DDX10: variants seen among roughly 807,000 people sequenced by gnomAD.
DDX10 encodes DEAD-box helicase 10.
DDX10 carries 74 observed loss-of-function variants against 104.3 expected under a neutral mutation model. That is an observed-to-expected ratio of 0.71 (90% CI 0.59 to 0.86). The LOEUF is 0.86. Among genes scored for constraint, DDX10 ranks in the 40% least tolerant of loss-of-function variants. DDX10 has a pLI of 0.00. For missense variants in DDX10, 952 were observed against 1,040.0 expected (o/e 0.92, Z 1.16); for synonymous variants, 351 against 353.4 (o/e 0.99, Z 0.08).
intron 13 of DDX10, among the ~76,000 whole-genome samples, chr11:108,834,076 C>T (rs975657670): frequency 6.6e-6 from 1 of 151,840 alleles, no homozygotes; most frequent in South Asian, 2.1e-4. Context: ...CCACCTCAGC[C>T]TCTTGAGTAG....
intron 14 of DDX10, 74 bp from the exon 15 acceptor site, chr11:108,841,241 C>A: frequency 1.5e-6 from 2 of 1,294,028 alleles, no homozygotes; most frequent in South Asian, 1.3e-5. Context: ...TTTTCAGAAT[C>A]ATCAGACAAA....
chr11:108,835,945 T>C (rs1440986144), intron 13 of DDX10, among the ~76,000 whole-genome samples: 1 of 152,162 alleles, frequency 6.6e-6, no homozygotes, highest in Non-Finnish European at 1.5e-5. Context: ...AAAGTTTGTG[T>C]TAATTGGCCT....
intron 13 of DDX10, among the ~76,000 whole-genome samples, chr11:108,801,302 C>T (rs974811499): frequency 6.6e-6 from 1 of 152,184 alleles, no homozygotes; most frequent in Non-Finnish European, 1.5e-5. Flanking sequence ...TTGTAAACTG[C>T]CATAGAATCA....
At chr11:108,938,589 C>A (rs1864065029) in intron 17 of DDX10, among the ~76,000 whole-genome samples, 2 of 152,240 alleles carry the variant, frequency 1.3e-5, no homozygotes, top group African/African-American at 4.8e-5. Context: ...TTTTTTAAGA[C>A]CCTCTTTCAC....
chr11:108,711,887 A>G (rs547177352), intron 10 of DDX10, among the ~76,000 whole-genome samples: 1 of 152,314 alleles, frequency 6.6e-6, no homozygotes, highest in East Asian at 1.9e-4. Flanking sequence ...GGATTTGTCT[A>G]TTCCTGATAG....
intron 10 of DDX10, among the ~76,000 whole-genome samples, chr11:108,711,052 A>G (rs1416370812): frequency 6.6e-6 from 1 of 152,180 alleles, no homozygotes; most frequent in East Asian, 1.9e-4. Flanking sequence ...GGTGTGAGCC[A>G]TTGCTCCTGG....
intron 16 of DDX10, among the ~76,000 whole-genome samples, chr11:108,900,392 C>T (rs368501125): frequency 8.5e-4 from 130 of 152,182 alleles, no homozygotes; most frequent in Non-Finnish European, 1.4e-3. Flanking sequence ...CTGAGAAATC[C>T]AAAGATATAT....
chr11:108,675,586 A>C lies in DDX10; in HGVS notation c.248-10A>C. The C allele has an allele frequency of 6.2e-7, 1 of 1,612,998 alleles. No homozygotes were observed. On this transcript the variant is annotated splice_polypyrimidine_tract_variant and intron_variant, in intron 2 of 17. Coordinates refer to ENST00000322536, the MANE Select transcript of DDX10 (RefSeq NM_004398.4). ...CTTCTAAAGTATAATTCTTCCCTCC[A>C]TGTTGCCAGGTTTGCAAGAAGCTCA...
chr11:108,741,122 G>A (rs1257667642), intron 13 of DDX10, among the ~76,000 whole-genome samples: 2 of 152,016 alleles, frequency 1.3e-5, no homozygotes, highest in East Asian at 3.9e-4. Context: ...GTAGGTGTGT[G>A]GCCTTATTTT....
intron 13 of DDX10, among the ~76,000 whole-genome samples, chr11:108,797,507 A>G (rs959411235): frequency 2.0e-5 from 3 of 152,252 alleles, no homozygotes; most frequent in Non-Finnish European, 2.9e-5. Context: ...AACAAAATAG[A>G]TAAATGATTT....
At chr11:108,724,013 A>AGGCTGTTCTTG in intron 13 of DDX10, among the ~76,000 whole-genome samples, 2 of 152,164 alleles carry the variant, frequency 1.3e-5, no homozygotes, top group Non-Finnish European at 2.9e-5. Context: ...TAGGAGGAAC[A>AGGCTGTTCTTG]AAAGAAATAA....
chr11:108,771,381 A>T (rs562138892), intron 13 of DDX10, among the ~76,000 whole-genome samples: 1 of 149,132 alleles, frequency 6.7e-6, no homozygotes, highest in African/African-American at 2.5e-5. Flanking sequence ...TTTTTTTGAG[A>T]TGGAGTCTCA....
chr11:108,754,237 G>C lies in DDX10; in HGVS notation c.1965+30775G>C, dbSNP rs533740656. On this transcript the variant is annotated intron_variant, in intron 13 of 17. Transcript: ENST00000322536. ...CTAGTATACAGTATAGATTCCAAAG[G>C]CCTAGCCTTTAATATGAGCTTCGCT... Among the ~76,000 whole-genome samples, 5 of 152,074 alleles carry C rather than the reference G, an allele frequency of 3.3e-5. No individual in the cohort carries two copies. The East Asian group carries it at 7.7e-4, about 24-fold the overall frequency.
intron 16 of DDX10, among the ~76,000 whole-genome samples, chr11:108,888,485 C>T (rs1220426248): frequency 1.3e-5 from 2 of 152,070 alleles, no homozygotes; most frequent in East Asian, 3.9e-4. Flanking sequence ...AGGTCATATG[C>T]CATTTGCTTC....
chr11:108,739,070 C>A (rs370257268), intron 13 of DDX10, among the ~76,000 whole-genome samples: 2 of 152,242 alleles, frequency 1.3e-5, no homozygotes, highest in South Asian at 2.1e-4. Context: ...ACTCTGCCCC[C>A]CCAGGGAGAC....
At chr11:108,675,213 A>G (rs529888284) in intron 2 of DDX10, among the ~76,000 whole-genome samples, 9 of 152,234 alleles carry the variant, frequency 5.9e-5, no homozygotes, top group African/African-American at 2.2e-4. Flanking sequence ...ATAATGCTGC[A>G]ATGAACATGT....
rs146897818 is a variant in DDX10 at position 108,802,768 on chromosome 11, A to G, written c.1966-35678A>G. Among the ~76,000 whole-genome samples the G allele has an allele frequency of 9.4e-4, 143 of 152,298 alleles. 1 individual carries two copies. The highest frequency in any genetic ancestry group is 3.0e-3 in the African/African-American group (126 of 41,566). Reference sequence around the variant, plus strand: ...AATCCCCCCTCCCTCCTATTAACATAGTGAATTTTTGAATGAGAATGTCCT... The same window carrying G: ...AATCCCCCCTCCCTCCTATTAACATGGTGAATTTTTGAATGAGAATGTCCT... On this transcript the variant is annotated intron_variant, in intron 13 of 17. Coordinates refer to ENST00000322536, the MANE Select transcript of DDX10 (RefSeq NM_004398.4).
chr11:108,916,229 G>A (rs376373268), intron 16 of DDX10, among the ~76,000 whole-genome samples: 1 of 151,920 alleles, frequency 6.6e-6, no homozygotes, highest in East Asian at 1.9e-4. Flanking sequence ...GGCATCAGAC[G>A]GGAAAATTAG....
chr11:108,899,694 T>C (rs762960189), intron 16 of DDX10, among the ~76,000 whole-genome samples: 11 of 152,128 alleles, frequency 7.2e-5, no homozygotes, highest in Non-Finnish European at 1.3e-4. Context: ...CATATTGAAT[T>C]GTAATCCCCA....
Sources: gnomAD v4.1 joint callset for allele counts (sites outside exome capture counted in the v4.1 genomes callset) on GRCh38, gnomAD v4.1.1 for gene constraint, MANE v1.5 for transcripts, NCBI Gene and HGNC (gene_info 2026-07-23, HGNC 2026-07-21) for gene names.